PLCH1: variants seen among roughly 807,000 people sequenced by gnomAD.
PLCH1 encodes 1-phosphatidylinositol 4,5-bisphosphate phosphodiesterase eta-1.
In PLCH1, 60 loss-of-function variants were observed where a neutral mutation model predicts 126.7. The observed-to-expected ratio is 0.47, with a 90% confidence interval of 0.38 to 0.59. The LOEUF is 0.59. Among genes scored for constraint, PLCH1 ranks in the 20% least tolerant of loss-of-function variants. The pLI, the probability that PLCH1 is intolerant of heterozygous loss-of-function variation, is 0.00. For missense variants in PLCH1, 1,723 were observed against 2,040.0 expected (o/e 0.84, Z 2.99); for synonymous variants, 719 against 734.9 (o/e 0.98, Z 0.35).
intron 4 of PLCH1, among the ~76,000 whole-genome samples, chr3:155,586,663 C>T (rs1164072080): frequency 6.6e-6 from 1 of 151,970 alleles, no homozygotes; most frequent in African/African-American, 2.4e-5. Flanking sequence ...GCCAAGATTG[C>T]TCTCCAGCCT....
intron 2 of PLCH1, among the ~76,000 whole-genome samples, chr3:155,662,235 T>C (rs911310134): frequency 1.3e-5 from 2 of 152,140 alleles, no homozygotes; most frequent in East Asian, 1.9e-4. Flanking sequence ...GGAGAATCCT[T>C]TGAGGCCAAG....
chr3:155,552,700 A>C (rs1007741519), intron 9 of PLCH1, among the ~76,000 whole-genome samples: 22 of 152,220 alleles, frequency 1.4e-4, no homozygotes, highest in African/African-American at 5.1e-4. Context: ...CCAGACCTTA[A>C]GGGATATGAA....
chr3:155,703,401 A>G (rs1413054687), intron 2 of PLCH1, among the ~76,000 whole-genome samples: 2 of 152,232 alleles, frequency 1.3e-5, no homozygotes, highest in Non-Finnish European at 2.9e-5. Context: ...CTGGCACCAC[A>G]TAAGTCTTTG....
intron 3 of PLCH1, among the ~76,000 whole-genome samples, chr3:155,595,355 T>C (rs1732846287): frequency 6.6e-6 from 1 of 152,248 alleles, no homozygotes; most frequent in Non-Finnish European, 1.5e-5. Context: ...GTATATCCTA[T>C]TGATTATTTA....
At chr3:155,547,532 A>G (rs1428406634) in intron 10 of PLCH1, among the ~76,000 whole-genome samples, 1 of 151,246 alleles carries the variant, frequency 6.6e-6, no homozygotes, top group Non-Finnish European at 1.5e-5. Context: ...CACCAATCCC[A>G]TTACTGGGTA....
At position 155,482,425 on chromosome 3, in the gene PLCH1, G is replaced by C; in HGVS notation, c.3601C>G (p.Gln1201Glu). The stretch of plus-strand genomic sequence containing the variant: ...AGATGAGAAACAACTGTGAGAGCCT[G>C]ATTGTTGGTCTCATCAAACTGGCCA... ...LIGQFDETNN[Q>E]ALTVVSHLHN... The change falls in exon 23 of 23, where the codon CAG becomes GAG. Residue 1201 changes from glutamine to glutamate, a missense_variant. Physicochemically the swap from Gln to Glu is conservative, Grantham distance 29. Around this residue, in one of 2 missense-constraint regions of PLCH1, gnomAD observed 947 missense variants for 977.1 expected, o/e 0.97. Transcript: ENST00000460012. The C allele has an allele frequency of 1.2e-6, 2 of 1,614,174 alleles. No homozygotes were observed. Among genetic ancestry groups the C allele is most frequent in the South Asian group, 1.1e-5 (1 of 91,082 alleles).
chr3:155,598,612 T>C (rs189243331), intron 2 of PLCH1, among the ~76,000 whole-genome samples: 1 of 152,326 alleles, frequency 6.6e-6, no homozygotes, highest in East Asian at 1.9e-4. Context: ...AGGATACTTA[T>C]TAATGGCAAT....
intron 2 of PLCH1, among the ~76,000 whole-genome samples, chr3:155,602,834 CAT>C (rs1050292937): frequency 3.3e-5 from 5 of 152,110 alleles, no homozygotes; most frequent in African/African-American, 7.2e-5. Context: ...CACACACACA[CAT>C]ATATACATAT....
At chr3:155,666,635 GTAGA>G (rs1742752031) in intron 2 of PLCH1, among the ~76,000 whole-genome samples, 1 of 152,162 alleles carries the variant, frequency 6.6e-6, no homozygotes, top group Admixed American at 6.5e-5. Context: ...TCAGAATTGA[GTAGA>G]TAATCTATTT....
intron 4 of PLCH1, among the ~76,000 whole-genome samples, chr3:155,590,549 G>C (rs1448805142): frequency 6.1e-5 from 9 of 148,560 alleles, no homozygotes; most frequent in African/African-American, 2.0e-4. Flanking sequence ...CTGCACTCCA[G>C]CCTGGGCGAC....
chr3:155,483,893 A>G (rs1195705085), intron 22 of PLCH1, among the ~76,000 whole-genome samples: 2 of 152,156 alleles, frequency 1.3e-5, no homozygotes, highest in African/African-American at 4.8e-5. Context: ...TAATGCTTTC[A>G]GAGTCATGAT....
chr3:155,526,206 A>G (rs9289956), intron 10 of PLCH1, among the ~76,000 whole-genome samples: 138,402 of 152,104 alleles, frequency 0.91, 63,576 homozygotes, highest in Middle Eastern at 0.98. Flanking sequence ...CAGTATTCAC[A>G]CCCTTCTGCA....
chr3:155,738,214 C>G (rs1375245073), intron 1 of PLCH1, among the ~76,000 whole-genome samples: 2 of 152,172 alleles, frequency 1.3e-5, no homozygotes, highest in Non-Finnish European at 2.9e-5. Context: ...GAGGCAGAGG[C>G]TGAATTCCAA....
At chr3:155,647,391 T>C (rs780127728) in intron 2 of PLCH1, among the ~76,000 whole-genome samples, 6 of 151,752 alleles carry the variant, frequency 4.0e-5, no homozygotes, top group Non-Finnish European at 8.8e-5. Flanking sequence ...AGAATGTTTC[T>C]GGGGACAGCA....
At chr3:155,737,807 C>T (rs1446941268) in intron 1 of PLCH1, among the ~76,000 whole-genome samples, 1 of 146,728 alleles carries the variant, frequency 6.8e-6, no homozygotes, top group East Asian at 2.0e-4. Context: ...TCCAAGTTCC[C>T]AGCAGAAATA....
At chr3:155,668,482 T>C (rs1442586487) in intron 2 of PLCH1, among the ~76,000 whole-genome samples, 1 of 152,140 alleles carries the variant, frequency 6.6e-6, no homozygotes, top group Non-Finnish European at 1.5e-5. Context: ...TGTATTTCTA[T>C]GTAAAAAATA....
chr3:155,612,026 G>A (rs1368564601), intron 2 of PLCH1, among the ~76,000 whole-genome samples: 1 of 152,124 alleles, frequency 6.6e-6, no homozygotes, highest in Admixed American at 6.5e-5. Context: ...AGTGTTAAGA[G>A]GAAACTTTGG....
intron 10 of PLCH1, among the ~76,000 whole-genome samples, chr3:155,543,538 C>T (rs1327105877): frequency 5.3e-5 from 8 of 152,138 alleles, no homozygotes; most frequent in African/African-American, 4.8e-5. Context: ...ATACAGAGAA[C>T]GCCATAAAGA....
intron 21 of PLCH1, among the ~76,000 whole-genome samples, chr3:155,460,661 A>T (rs561474497): frequency 2.6e-5 from 4 of 152,296 alleles, no homozygotes; most frequent in Admixed American, 2.6e-4. Context: ...ACCAACAAAG[A>T]CTTAAAGGAT....
Sources: gnomAD v4.1 joint callset for allele counts (sites outside exome capture counted in the v4.1 genomes callset) on GRCh38, gnomAD v4.1.1 for gene constraint, gnomAD v4.1.1 regional missense constraint, MANE v1.5 for transcripts, NCBI Gene and HGNC (gene_info 2026-07-23, HGNC 2026-07-21) for gene names.